The following KIF16B variants were observed in gnomAD, a reference collection of about 807,000 sequenced individuals.
KIF16B encodes the protein kinesin-like protein KIF16B.
KIF16B carries 98 observed loss-of-function variants against 156.3 expected under a neutral mutation model. That is an observed-to-expected ratio of 0.63 (90% CI 0.53 to 0.74). KIF16B has a LOEUF of 0.74. Among genes scored for constraint, KIF16B ranks in the 30% least tolerant of loss-of-function variants. KIF16B has a pLI of 0.00. For synonymous variants in KIF16B, 564 were observed against 583.7 expected (o/e 0.97, Z 0.49); for missense variants, 1,421 against 1,606.5 (o/e 0.88, Z 1.97).
At chr20:16,410,128 G>T (rs1305177233) in intron 15 of KIF16B, among the ~76,000 whole-genome samples, 1 of 125,802 alleles carries the variant, frequency 7.9e-6, no homozygotes, top group African/African-American at 3.0e-5. Context: ...TATATATGTA[G>T]GTACATATAT....
At chr20:16,500,983 A>T (rs142390854) in intron 10 of KIF16B, among the ~76,000 whole-genome samples, 1,741 of 152,278 alleles carry the variant, frequency 0.011, 14 homozygotes, top group Middle Eastern at 0.065. Context: ...GGAAGTCAAG[A>T]GACATTTTCT....
intron 3 of KIF16B, among the ~76,000 whole-genome samples, chr20:16,523,467 C>T (rs1383395003): frequency 6.6e-6 from 1 of 152,138 alleles, no homozygotes; most frequent in Non-Finnish European, 1.5e-5. Context: ...CCTAGGAATA[C>T]AACTTACAAG....
Position 16,449,086 on chromosome 20 carries a change from A to G in KIF16B, c.1303-19104T>C, listed in dbSNP as rs559439104. On this transcript the variant is annotated intron_variant, in intron 12 of 25. Transcript: ENST00000354981. ...AATAATGTAGGAGAAGATAACAGACACAGAGAAAGAAAAAATGGAAATTGT... is the reference window on the plus strand; with the variant it reads ...AATAATGTAGGAGAAGATAACAGACGCAGAGAAAGAAAAAATGGAAATTGT... Among the ~76,000 whole-genome samples the G allele has an allele frequency of 3.8e-4, 58 of 152,302 alleles. 1 individual carries two copies. The highest frequency in any genetic ancestry group is 1.3e-3 in the African/African-American group (55 of 41,572).
rs6043853 is a variant in KIF16B at position 16,284,695 on chromosome 20, G to A, written c.3796-11284C>T. Among the ~76,000 whole-genome samples the A allele has an allele frequency of 2.7e-3, 414 of 152,126 alleles. 1 individual carries two copies. The highest frequency in any genetic ancestry group is 9.3e-3 in the African/African-American group (384 of 41,484). On this transcript the variant is annotated intron_variant, in intron 25 of 25. Coordinates refer to ENST00000354981, the MANE Select transcript of KIF16B (RefSeq NM_024704.5). ...AAGAGGGGAGGATTACAACGGCACC[G>A]GGGGGTCATTCTTAGAATTCTCCCT...
rs995279235 is a variant in KIF16B at position 16,426,989 on chromosome 20, C to T, written c.1612+115G>A. Reference sequence around the variant, plus strand: ...AGCCTATTGAAGCAAACAGTCTCACCCTTTTTATACCTAATCAATAATTAA... The same window carrying T: ...AGCCTATTGAAGCAAACAGTCTCACTCTTTTTATACCTAATCAATAATTAA... On this transcript the variant is annotated intron_variant, in intron 15 of 25. Coordinates refer to ENST00000354981, the MANE Select transcript of KIF16B (RefSeq NM_024704.5). 27 of 904,386 alleles carry T rather than the reference C, an allele frequency of 3.0e-5. No individual in the cohort carries two copies. In the Admixed American group the frequency reaches 7.5e-4, roughly 25 times the overall value. The allele number at this position is 904,386 out of a possible 1,614,324, so 56.0% of individuals were successfully genotyped here.
At chr20:16,348,780 T>C (rs974594973) in intron 23 of KIF16B, among the ~76,000 whole-genome samples, 1 of 152,158 alleles carries the variant, frequency 6.6e-6, no homozygotes, top group Non-Finnish European at 1.5e-5. Context: ...ATTCCTAAGG[T>C]GTGCAAGCTG....
chr20:16,502,525 C>G (rs2068655698), intron 10 of KIF16B, among the ~76,000 whole-genome samples: 1 of 152,088 alleles, frequency 6.6e-6, no homozygotes, highest in Non-Finnish European at 1.5e-5. Flanking sequence ...ACTTAACTGT[C>G]TTTTATATCC....
chr20:16,478,604 A>G (rs2146818138), intron 12 of KIF16B, among the ~76,000 whole-genome samples: 1 of 152,190 alleles, frequency 6.6e-6, no homozygotes, highest in East Asian at 1.9e-4. Context: ...CCCTTCTTCC[A>G]GCATATCCAT....
At chr20:16,408,732 T>C (rs1190059838) in intron 15 of KIF16B, among the ~76,000 whole-genome samples, 1 of 152,122 alleles carries the variant, frequency 6.6e-6, no homozygotes, top group Non-Finnish European at 1.5e-5. Context: ...TAAGGAGTTA[T>C]AAAAGAAAGC....
chr20:16,407,299 T>C (rs1851367228), intron 15 of KIF16B, among the ~76,000 whole-genome samples: 1 of 152,246 alleles, frequency 6.6e-6, no homozygotes, highest in Non-Finnish European at 1.5e-5. Flanking sequence ...GTTCACTGTG[T>C]CTTCTGAAGT....
chr20:16,280,668 C>CA (rs2063131154), intron 25 of KIF16B, among the ~76,000 whole-genome samples: 1 of 152,140 alleles, frequency 6.6e-6, no homozygotes, highest in Admixed American at 6.5e-5. Flanking sequence ...AAGAGGCTGA[C>CA]AAAGTGACCA....
At chr20:16,462,104 G>A (rs2067360490) in intron 12 of KIF16B, among the ~76,000 whole-genome samples, 1 of 152,126 alleles carries the variant, frequency 6.6e-6, no homozygotes, top group Admixed American at 6.5e-5. Context: ...AGCTGGGCAT[G>A]GTGGCACACG....
intron 19 of KIF16B, among the ~76,000 whole-genome samples, chr20:16,377,987 G>C (rs767143358): frequency 6.6e-6 from 1 of 152,168 alleles, no homozygotes; most frequent in Non-Finnish European, 1.5e-5. Context: ...ATCCCACTGT[G>C]TTCAGAATTA....
intron 9 of KIF16B, 52 bp downstream of exon 9, chr20:16,505,670 G>C: frequency 6.6e-7 from 1 of 1,518,518 alleles, no homozygotes; most frequent in Non-Finnish European, 9.1e-7. Flanking sequence ...AATATTTACA[G>C]TTAATTCACA....
At chr20:16,491,565 G>A (rs987757362) in intron 12 of KIF16B, among the ~76,000 whole-genome samples, 5 of 152,160 alleles carry the variant, frequency 3.3e-5, no homozygotes, top group African/African-American at 1.2e-4. Context: ...TGTTAACTTG[G>A]ATATAAGGAA....
chr20:16,504,180 A>G (rs1046021441), intron 10 of KIF16B, among the ~76,000 whole-genome samples, 192 bp downstream of exon 10: 2 of 152,224 alleles, frequency 1.3e-5, no homozygotes, highest in Non-Finnish European at 2.9e-5. Flanking sequence ...AATCTTACAC[A>G]TGCAGCCCGT....
chr20:16,447,159 A>T (rs2066955509), intron 12 of KIF16B, among the ~76,000 whole-genome samples: 1 of 152,160 alleles, frequency 6.6e-6, no homozygotes, highest in South Asian at 2.1e-4. Context: ...GATTCACCTT[A>T]GATGTGGGCC....
intron 25 of KIF16B, among the ~76,000 whole-genome samples, chr20:16,278,330 G>C (rs927199573): frequency 3.9e-5 from 6 of 152,134 alleles, no homozygotes; most frequent in African/African-American, 1.4e-4. Flanking sequence ...TGATTTATTT[G>C]TTTACCAAGC....
chr20:16,357,828 T>C (rs981868494), intron 22 of KIF16B, among the ~76,000 whole-genome samples: 43 of 152,180 alleles, frequency 2.8e-4, no homozygotes, highest in African/African-American at 1.0e-3. Flanking sequence ...GCATGGCTAG[T>C]CACCCAAAGC....
Sources: gnomAD v4.1 joint callset for allele counts (sites outside exome capture counted in the v4.1 genomes callset) on GRCh38, gnomAD v4.1.1 for gene constraint, MANE v1.5 for transcripts, NCBI Gene and HGNC (gene_info 2026-07-23, HGNC 2026-07-21) for gene names.